Variants in SLC5A10 observed in about 807,000 individuals in gnomAD.
SLC5A10 encodes sodium/mannose cotransporter SLC5A10.
Under a neutral mutation model 68.9 loss-of-function variants are expected in SLC5A10, and 55 were observed. That is an observed-to-expected ratio of 0.80 (90% confidence interval 0.64 to 1.00). SLC5A10 has a LOEUF of 1.00. Ranked by LOEUF, SLC5A10 falls within the 50% of genes least tolerant of loss-of-function variation. SLC5A10 has a pLI of 0.00. For missense variants in SLC5A10, 732 were observed against 819.3 expected, an observed-to-expected ratio of 0.89 and a Z score of 1.30; for synonymous variants, 344 against 344.8, an observed-to-expected ratio of 1.00 and a Z score of 0.02.
Position 18,971,219 on chromosome 17 carries a change from G to A in SLC5A10, c.846+1G>A. ...CACCTGGTACTGGTGCACCGACCAGGTGAGTGCCAACGTCTCCCGCCCATC... is the reference window on the plus strand; with the variant it reads ...CACCTGGTACTGGTGCACCGACCAGATGAGTGCCAACGTCTCCCGCCCATC... On this transcript the variant is annotated splice_donor_variant, in intron 8 of 14. Transcript: ENST00000395645. LOFTEE classifies it high-confidence loss of function. The surrounding 1 kb of genome is among the most constrained non-coding windows in gnomAD (Gnocchi z 5.5). 2 of 1,613,856 alleles carry A rather than the reference G, an allele frequency of 1.2e-6. No individual in the cohort carries two copies. The highest frequency in any genetic ancestry group is 2.2e-5 in the South Asian group (2 of 91,088).
chr17:18,953,630 G>GT (rs2042422841), intron 1 of SLC5A10: 1 of 118,184 alleles, frequency 8.5e-6, no homozygotes, highest in East Asian at 2.1e-4. Flanking sequence ...TTCTACAGTG[G>GT]TAGCAGTGGT....
Position 19,021,656 on chromosome 17 carries a change from GC to G in SLC5A10, c.*1227del. On this transcript the variant is annotated 3_prime_UTR_variant, in exon 15 of 15. Coordinates refer to ENST00000395645, the MANE Select transcript of SLC5A10 (RefSeq NM_001042450.4). This position sits in a 1 kb window ranked among gnomAD's most constrained non-coding sequence, Gnocchi z 4.1. The stretch of plus-strand genomic sequence containing the variant: ...GTCCTCAACCTTCCTGGCAGATGGG[GC>G]CATTGACAAGAGGAGGTGGGCGGGG... 2.5e-6 allele frequency: 1 copy of G among 397,230 alleles called. No homozygotes were observed. Among genetic ancestry groups the G allele is most frequent in the Non-Finnish European group, 4.4e-6 (1 of 225,692 alleles). The allele number at this position is 397,230 out of a possible 1,614,324, so 24.6% of individuals were successfully genotyped here.
intron 6 of SLC5A10, 73 bp downstream of exon 6, chr17:18,969,230 G>A: frequency 6.3e-7 from 1 of 1,578,616 alleles, no homozygotes; most frequent in Admixed American, 1.7e-5. Context: ...CCCCCTACAG[G>A]CCCGAGGGAG....
chr17:18,977,398 G>C (rs999554060), intron 9 of SLC5A10: 8 of 630,908 alleles, frequency 1.3e-5, no homozygotes, highest in South Asian at 2.0e-5. Context: ...CAGCATTAAT[G>C]ATGGCCTTCC....
intron 5 of SLC5A10, among the ~76,000 whole-genome samples, chr17:18,964,449 C>A (rs1305156315): frequency 6.6e-6 from 1 of 152,202 alleles, no homozygotes; most frequent in African/African-American, 2.4e-5. Context: ...ATGGAAATCA[C>A]CTACTTACTG....
intron 9 of SLC5A10, among the ~76,000 whole-genome samples, chr17:19,005,010 G>A (rs2043843415): frequency 6.6e-6 from 1 of 152,216 alleles, no homozygotes; most frequent in Non-Finnish European, 1.5e-5. Context: ...AGGTCACACA[G>A]CGGGTCAACA....
At chr17:18,963,271 G>A (rs532907942) in intron 5 of SLC5A10, among the ~76,000 whole-genome samples, 1 of 152,336 alleles carries the variant, frequency 6.6e-6, no homozygotes, top group African/African-American at 2.4e-5. Flanking sequence ...GACACACTGA[G>A]GTCCAGGTCA....
chr17:18,976,707 G>A (rs2042988711), intron 8 of SLC5A10, 147 bp from the exon 9 acceptor site: 1 of 1,061,480 alleles, frequency 9.4e-7, no homozygotes. Context: ...ACAGTATTGG[G>A]GCTTTGAGTG....
intron 9 of SLC5A10, chr17:18,986,196 T>C (rs2152127697): frequency 6.6e-6 from 1 of 152,332 alleles, no homozygotes; most frequent in Middle Eastern, 3.4e-3. Context: ...CCCCTGCCCA[T>C]AGTGGGATGG....
At chr17:19,010,568 C>T (rs543924804) in intron 9 of SLC5A10, among the ~76,000 whole-genome samples, 10 of 152,324 alleles carry the variant, frequency 6.6e-5, no homozygotes, top group Admixed American at 6.5e-4. Flanking sequence ...TTGGTCAAAC[C>T]AGTGGGACTC....
chr17:18,955,967 G>A (rs2042490325), intron 1 of SLC5A10, among the ~76,000 whole-genome samples: 1 of 152,168 alleles, frequency 6.6e-6, no homozygotes, highest in Admixed American at 6.5e-5. Flanking sequence ...GGCCGAGGTG[G>A]GCAGATCACC....
Position 19,013,516 on chromosome 17 carries a change from C to G in SLC5A10, c.1089C>G (p.Ile363Met). Residue 363 changes from isoleucine to methionine, a missense_variant and splice_region_variant, in exon 10 of 15, where the codon ATC becomes ATG. Coordinates refer to ENST00000395645, the MANE Select transcript of SLC5A10 (RefSeq NM_001042450.4). ...AGCTGGTCATGGAACTGATGCCCAT[C>G]GGTGAGGCTGTGTGGGTGGGGGTCT... ...YPKLVMELMPIGLRGLMIAVM... is the reference protein window; with the variant it reads ...YPKLVMELMPMGLRGLMIAVM... 6.8e-7 allele frequency: 1 copy of G among 1,475,672 alleles called. No individual in the cohort carries two copies. The highest frequency in any genetic ancestry group is 9.0e-7 in the Non-Finnish European group (1 of 1,112,400). The allele number at this position is 1,475,672 out of a possible 1,614,324, so 91.4% of individuals were successfully genotyped here. A position where few individuals can be genotyped will look rare whatever the true frequency, so the allele number is the denominator to read the frequency against.
Position 18,952,238 on chromosome 17 carries a change from T to C in SLC5A10, c.33T>C (p.Thr11=). 2 of 1,613,712 alleles carry C rather than the reference T, an allele frequency of 1.2e-6. No homozygotes were observed. Among genetic ancestry groups the C allele is most frequent in the Non-Finnish European group, 1.7e-6 (2 of 1,179,858 alleles). ...CCAACTCCACCAGCGACCTCCACAC[T>C]CCCGGGACGCAGCTGAGCGTGGCTG... MAANSTSDLH[T]PGTQLSVADI... is the part of the protein sequence containing the mutation. Residue 11 remains threonine (T), a synonymous_variant, in exon 1 of 15, where the codon ACT becomes ACC. Coordinates refer to ENST00000395645, the MANE Select transcript of SLC5A10 (RefSeq NM_001042450.4).
Position 19,019,451 on chromosome 17 carries a change from A to G in SLC5A10, c.1270A>G (p.Ser424Gly). ...RLVIVALIGV[S>G]VAWIPVLQDS... ...GGTCATAGTGGCACTCATCGGCGTG[A>G]GTGTGGCCTGGATCCCCGTCCTGCA... Residue 424 changes from serine to glycine, a missense_variant, in exon 12 of 15, where the codon AGT (serine) becomes GGT (glycine). Ser to Gly is a moderately conservative substitution (Grantham distance 56). Transcript: ENST00000395645. The G allele has an allele frequency of 6.2e-7, 1 of 1,611,594 alleles. No individual in the cohort carries two copies. The highest frequency in any genetic ancestry group is 8.5e-7 in the Non-Finnish European group (1 of 1,179,884).
chr17:18,959,362 C>A, intron 3 of SLC5A10, 123 bp downstream of exon 3: 2 of 1,067,888 alleles, frequency 1.9e-6, no homozygotes, highest in Non-Finnish European at 2.8e-6. Context: ...CTGTGCAGTG[C>A]TGTTCCTGGG....
chr17:18,992,248 A>G (rs1567800479), intron 9 of SLC5A10, among the ~76,000 whole-genome samples: 1 of 151,218 alleles, frequency 6.6e-6, no homozygotes. Context: ...CGAATCCCCC[A>G]CCTCCCTCTG....
chr17:19,005,487 G>A (rs930233751), intron 9 of SLC5A10, among the ~76,000 whole-genome samples: 1 of 152,140 alleles, frequency 6.6e-6, no homozygotes, highest in Non-Finnish European at 1.5e-5. Context: ...CCAACAAACA[G>A]CCCCCACCCC....
chr17:18,991,774 T>A (rs185178623), intron 9 of SLC5A10, among the ~76,000 whole-genome samples: 174 of 152,264 alleles, frequency 1.1e-3, no homozygotes, highest in Non-Finnish European at 1.1e-3. Flanking sequence ...ACAGCCCAGC[T>A]CCCAAGTGAA....
At chr17:19,010,672 C>T (rs8073914) in intron 9 of SLC5A10, among the ~76,000 whole-genome samples, 9,366 of 152,040 alleles carry the variant, frequency 0.062, 953 homozygotes, top group African/African-American at 0.21. Flanking sequence ...ATGGCTGCAA[C>T]GCCTCACCTG....
Sources: allele counts gnomAD v4.1 joint callset (sites outside exome capture counted in the v4.1 genomes callset), GRCh38; gene constraint gnomAD v4.1.1; non-coding constraint Gnocchi (gnomAD v3.1); transcripts MANE v1.5; gene names NCBI Gene and HGNC (gene_info 2026-07-23, HGNC 2026-07-21).